The following NCOA2 variants were observed in gnomAD, a reference collection of about 807,000 sequenced individuals.
NCOA2 encodes the protein nuclear receptor coactivator 2, also known as class E basic helix-loop-helix protein 75.
A neutral mutation model predicts 145.1 loss-of-function variants in NCOA2; 21 were observed. The observed-to-expected ratio is 0.14, with a 90% CI of 0.10 to 0.21. The LOEUF is 0.21. NCOA2 is among the 10% of genes least tolerant of loss of function. The pLI, the probability that NCOA2 is intolerant of heterozygous loss-of-function variation, is 1.00. For missense variants in NCOA2, 1,472 were observed against 1,837.6 expected (o/e 0.80, Z 3.64); for synonymous variants, 619 against 637.5 (o/e 0.97, Z 0.44).
chr8:70,377,179 T>G (rs1246350193), intron 1 of NCOA2, among the ~76,000 whole-genome samples: 7 of 151,746 alleles, frequency 4.6e-5, no homozygotes, highest in Admixed American at 1.3e-4. Context: ...AAAACCAAAA[T>G]GAAAAAAATG....
intron 1 of NCOA2, among the ~76,000 whole-genome samples, chr8:70,390,788 A>AATAT (rs1262103448): frequency 4.6e-5 from 7 of 152,066 alleles, no homozygotes; most frequent in African/African-American, 1.7e-4. Context: ...ATAATAAATA[A>AATAT]ATACATACAT....
At chr8:70,208,287 T>A (rs930031665) in intron 4 of NCOA2, among the ~76,000 whole-genome samples, 1 of 151,448 alleles carries the variant, frequency 6.6e-6, no homozygotes, top group South Asian at 2.1e-4. Flanking sequence ...GAAGATATTT[T>A]CAATTCTATG....
intron 4 of NCOA2, among the ~76,000 whole-genome samples, chr8:70,205,680 T>C (rs548857221): frequency 8.5e-4 from 129 of 152,014 alleles, no homozygotes; most frequent in Middle Eastern, 3.4e-3. Flanking sequence ...AGCCAGTGTA[T>C]GTCATGGGGA....
chr8:70,445,913 A>G, the NCOA2 span, among the ~76,000 whole-genome samples: 1 of 152,240 alleles, frequency 6.6e-6, no homozygotes, highest in Admixed American at 6.5e-5. Flanking sequence ...TCCTACTGGA[A>G]GGGTCGGAGA....
At chr8:70,201,049 CAAA>C (rs60951750) in intron 4 of NCOA2, among the ~76,000 whole-genome samples, 4 of 63,946 alleles carry the variant, frequency 6.3e-5, no homozygotes, top group Non-Finnish European at 8.2e-5. Flanking sequence ...GACTGTGTCT[CAAA>C]AAAAAAAAAA....
At chr8:70,278,526 T>C (rs761001642) in intron 2 of NCOA2, among the ~76,000 whole-genome samples, 3 of 152,142 alleles carry the variant, frequency 2.0e-5, no homozygotes, top group Non-Finnish European at 2.9e-5. Context: ...AGTCAGTCAC[T>C]TCCTAGAATC....
At chr8:70,400,091 T>C (rs1563848529) in intron 1 of NCOA2, among the ~76,000 whole-genome samples, 1 of 152,222 alleles carries the variant, frequency 6.6e-6, no homozygotes, top group Admixed American at 6.5e-5. Context: ...GCCTTACATT[T>C]TATATTTCCA....
At chr8:70,209,687 C>A (rs1402586757) in intron 4 of NCOA2, among the ~76,000 whole-genome samples, 1 of 152,196 alleles carries the variant, frequency 6.6e-6, no homozygotes, top group Non-Finnish European at 1.5e-5. Flanking sequence ...CTTGTTATAG[C>A]ACTTTCTAGC....
chr8:70,425,702 C>T, the NCOA2 span, among the ~76,000 whole-genome samples: 1 of 152,170 alleles, frequency 6.6e-6, no homozygotes, highest in Non-Finnish European at 1.5e-5. Context: ...CACACTAAGT[C>T]TAGTTTTTAG....
chr8:70,337,028 T>C lies in NCOA2; in HGVS notation c.-76-40228A>G, dbSNP rs189669774. Among the ~76,000 whole-genome samples, 229 of 152,014 alleles carry C rather than the reference T, an allele frequency of 1.5e-3. 3 individuals carry two copies. Among genetic ancestry groups the C allele is most frequent in the South Asian group, 1.9e-3 (9 of 4,824 alleles). On this transcript the variant is annotated intron_variant, in intron 1 of 22. Coordinates refer to ENST00000452400, the MANE Select transcript of NCOA2 (RefSeq NM_006540.4). ...ACAATAGGTGTCCCACAAATATATATACTGACGGAGACAAGTTTATATTTA... is the reference window on the plus strand; with the variant it reads ...ACAATAGGTGTCCCACAAATATATACACTGACGGAGACAAGTTTATATTTA...
At chr8:70,219,433 C>A (rs1264948187) in intron 2 of NCOA2, among the ~76,000 whole-genome samples, 2 of 152,140 alleles carry the variant, frequency 1.3e-5, no homozygotes, top group African/African-American at 4.8e-5. Context: ...GAGCAACATT[C>A]CTGGGCTATG....
At chr8:70,446,687 G>A in the NCOA2 span, among the ~76,000 whole-genome samples, 1 of 151,718 alleles carries the variant, frequency 6.6e-6, no homozygotes, top group Non-Finnish European at 1.5e-5. Flanking sequence ...TTTCAATTTC[G>A]CTCAGTTTTT....
At chr8:70,126,378 G>A (rs143964287) in intron 19 of NCOA2, among the ~76,000 whole-genome samples, 77 of 152,204 alleles carry the variant, frequency 5.1e-4, no homozygotes, top group African/African-American at 1.7e-3. Context: ...TTCAAAAGTC[G>A]CAGAATGTCT....
the NCOA2 span, among the ~76,000 whole-genome samples, chr8:70,411,037 T>C: frequency 6.6e-6 from 1 of 152,206 alleles, no homozygotes; most frequent in Non-Finnish European, 1.5e-5. Context: ...CCCTTAGGAT[T>C]TGTGTATTTT....
the NCOA2 span, among the ~76,000 whole-genome samples, chr8:70,423,499 C>A: frequency 6.6e-6 from 1 of 152,098 alleles, no homozygotes; most frequent in African/African-American, 2.4e-5. Flanking sequence ...CTAATTGAAT[C>A]CTCTGAAGTG....
At chr8:70,273,152 T>A (rs1825186128) in intron 2 of NCOA2, among the ~76,000 whole-genome samples, 1 of 152,194 alleles carries the variant, frequency 6.6e-6, no homozygotes, top group Non-Finnish European at 1.5e-5. Flanking sequence ...GGCACACCTA[T>A]AATTTTTTAA....
intron 2 of NCOA2, among the ~76,000 whole-genome samples, chr8:70,262,151 CTTA>C (rs1396026046): frequency 1.3e-5 from 2 of 152,102 alleles, no homozygotes; most frequent in Admixed American, 6.5e-5. Context: ...TTATTGAGTG[CTTA>C]TTAAGTGCTA....
chr8:70,205,455 C>T (rs528729348), intron 4 of NCOA2, among the ~76,000 whole-genome samples: 18 of 152,190 alleles, frequency 1.2e-4, no homozygotes, highest in Admixed American at 2.0e-4. Context: ...ACTGGTCAGA[C>T]CCGAGGTCTT....
chr8:70,223,523 T>C (rs977534647), intron 2 of NCOA2, among the ~76,000 whole-genome samples: 1 of 152,216 alleles, frequency 6.6e-6, no homozygotes, highest in Non-Finnish European at 1.5e-5. Context: ...AAAGCCACAA[T>C]TTGATATGTA....
Sources: allele counts gnomAD v4.1 joint callset (sites outside exome capture counted in the v4.1 genomes callset), GRCh38; gene constraint gnomAD v4.1.1; transcripts MANE v1.5; gene names NCBI Gene and HGNC (gene_info 2026-07-23, HGNC 2026-07-21).